The following ANO4 variants were observed in gnomAD, a reference collection of about 807,000 sequenced individuals.
ANO4 encodes anoctamin-4.
Under a neutral mutation model 141.9 loss-of-function variants are expected in ANO4, and 69 were observed. The observed-to-expected ratio is 0.49, with a 90% CI of 0.40 to 0.59. ANO4 has a LOEUF of 0.59. ANO4 is among the 20% of genes least tolerant of loss of function. ANO4 has a pLI of 0.00. For missense variants in ANO4, 894 were observed against 1,162.2 expected (o/e 0.77, Z 3.36); for synonymous variants, 350 against 394.3 (o/e 0.89, Z 1.33).
intron 1 of ANO4, among the ~76,000 whole-genome samples, chr12:100,882,282 T>C (rs933741088): frequency 3.3e-5 from 5 of 152,082 alleles, no homozygotes; most frequent in Non-Finnish European, 7.4e-5. Context: ...TCGAGCTACA[T>C]AGGCCAATTT....
rs747828670 is a variant in ANO4 at position 101,020,159 on chromosome 12, T to C, written c.841+19T>C. 4 of 1,524,892 alleles carry C rather than the reference T, an allele frequency of 2.6e-6. No homozygotes were observed. In the African/African-American group the frequency reaches 5.5e-5, roughly 21 times the overall value. The allele number at this position is 1,524,892 out of a possible 1,614,324, so 94.5% of individuals were successfully genotyped here. On this transcript the variant is annotated intron_variant, in intron 9 of 27. Transcript: ENST00000392977. ...AAGATTGGTAAGTAGTATGTTAGTA[T>C]AACAAACTACATTTGGCATTTGGGA...
chr12:100,973,944 C>T (rs535527969), intron 6 of ANO4, among the ~76,000 whole-genome samples: 18 of 152,138 alleles, frequency 1.2e-4, no homozygotes, highest in African/African-American at 2.9e-4. Flanking sequence ...TTCACAAATA[C>T]GCAAAAAAAT....
At chr12:101,009,882 T>C (rs1348084596) in intron 8 of ANO4, among the ~76,000 whole-genome samples, 3 of 152,166 alleles carry the variant, frequency 2.0e-5, no homozygotes, top group Admixed American at 2.0e-4. Context: ...TCTAATGTCC[T>C]TATCTTCCTC....
chr12:100,873,178 C>T (rs565682365), intron 1 of ANO4, among the ~76,000 whole-genome samples: 1 of 152,226 alleles, frequency 6.6e-6, no homozygotes, highest in African/African-American at 2.4e-5. Flanking sequence ...TCAGTTAGTT[C>T]TTTATAGCAA....
chr12:100,751,468 C>A (rs2032375085), intron 3 of ANO4, among the ~76,000 whole-genome samples: 1 of 152,096 alleles, frequency 6.6e-6, no homozygotes, highest in Non-Finnish European at 1.5e-5. Flanking sequence ...ACCCTCTGGT[C>A]ACTATTCCTC....
At chr12:100,731,684 A>C (rs914417057) in intron 1 of ANO4, among the ~76,000 whole-genome samples, 2 of 152,184 alleles carry the variant, frequency 1.3e-5, no homozygotes, top group African/African-American at 4.8e-5. Context: ...GGCAACCACT[A>C]ATCTTTTTAT....
intron 5 of ANO4, among the ~76,000 whole-genome samples, chr12:100,958,353 CTT>C (rs1295895148): frequency 1.3e-5 from 2 of 152,192 alleles, no homozygotes; most frequent in Non-Finnish European, 1.5e-5. Flanking sequence ...CTCTCTCTCT[CTT>C]TGCTTCTTTC....
intron 22 of ANO4, among the ~76,000 whole-genome samples, chr12:101,101,610 C>T (rs1349912675): frequency 6.6e-6 from 1 of 151,982 alleles, no homozygotes; most frequent in Non-Finnish European, 1.5e-5. Context: ...GAAATGTACT[C>T]CTGAGCACTC....
chr12:100,883,160 T>C (rs1338014015), intron 1 of ANO4, among the ~76,000 whole-genome samples: 1 of 152,142 alleles, frequency 6.6e-6, no homozygotes, highest in Non-Finnish European at 1.5e-5. Flanking sequence ...GCCAGTAAGC[T>C]CTAAAATTTC....
chr12:100,964,500 C>T (rs773633722), intron 5 of ANO4, among the ~76,000 whole-genome samples: 5 of 151,990 alleles, frequency 3.3e-5, no homozygotes, highest in African/African-American at 7.3e-5. Flanking sequence ...ATCTGAGTTT[C>T]CAATTAGAAA....
intron 2 of ANO4, among the ~76,000 whole-genome samples, chr12:100,914,895 G>C (rs1285289281): frequency 1.3e-5 from 2 of 152,126 alleles, no homozygotes; most frequent in African/African-American, 2.4e-5. Flanking sequence ...GCTCACTTCA[G>C]CCTCAAACTC....
At chr12:101,106,980 G>A (rs1230442505) in intron 22 of ANO4, among the ~76,000 whole-genome samples, 1 of 151,484 alleles carries the variant, frequency 6.6e-6, no homozygotes, top group Non-Finnish European at 1.5e-5. Context: ...ATGATTGGTT[G>A]GTTTGGTTTT....
chr12:100,829,024 A>C (rs1402542783), intron 1 of ANO4, among the ~76,000 whole-genome samples: 1 of 152,032 alleles, frequency 6.6e-6, no homozygotes, highest in Non-Finnish European at 1.5e-5. Context: ...TGTCTTAAAA[A>C]AAAAAAAAAG....
At chr12:100,781,840 C>G (rs927243068) in intron 3 of ANO4, among the ~76,000 whole-genome samples, 1 of 152,170 alleles carries the variant, frequency 6.6e-6, no homozygotes, top group Non-Finnish European at 1.5e-5. Context: ...AAGACAAATT[C>G]AACTGTCTAT....
intron 14 of ANO4, among the ~76,000 whole-genome samples, chr12:101,058,771 A>G (rs2048230576): frequency 6.6e-6 from 1 of 152,148 alleles, no homozygotes; most frequent in Non-Finnish European, 1.5e-5. Flanking sequence ...GGCTGAGACG[A>G]TGGGGTTTTA....
chr12:100,845,284 T>C (rs1352860120), intron 1 of ANO4, among the ~76,000 whole-genome samples: 1 of 151,976 alleles, frequency 6.6e-6, no homozygotes, highest in Admixed American at 6.6e-5. Flanking sequence ...GGGATATGAG[T>C]CATCACAGAA....
At chr12:100,878,141 A>G (rs1474646203) in intron 1 of ANO4, among the ~76,000 whole-genome samples, 1 of 152,172 alleles carries the variant, frequency 6.6e-6, no homozygotes. Flanking sequence ...GGGATAGAAA[A>G]AGTATCACTG....
chr12:100,950,634 G>A (rs2042934719), intron 5 of ANO4, among the ~76,000 whole-genome samples: 1 of 152,168 alleles, frequency 6.6e-6, no homozygotes, highest in African/African-American at 2.4e-5. Context: ...GCCTCAGCTG[G>A]ACACTACCTT....
chr12:100,789,106 G>A (rs1055667564), intron 3 of ANO4, among the ~76,000 whole-genome samples: 6 of 152,106 alleles, frequency 3.9e-5, no homozygotes, highest in Non-Finnish European at 8.8e-5. Context: ...CTCATGGAAT[G>A]CTTATTAGAG....
Sources: allele counts gnomAD v4.1 joint callset (sites outside exome capture counted in the v4.1 genomes callset), GRCh38; gene constraint gnomAD v4.1.1; transcripts MANE v1.5; gene names NCBI Gene and HGNC (gene_info 2026-07-23, HGNC 2026-07-21).